The following MCUB variants were observed in gnomAD, a reference collection of about 807,000 sequenced individuals.
MCUB encodes calcium uniporter regulatory subunit MCUb, mitochondrial.
Under a neutral mutation model 41.4 loss-of-function variants are expected in MCUB, and 46 were observed. The ratio of observed to expected loss-of-function variants is 1.11; its 90% confidence interval spans 0.88 to 1.42. The LOEUF is 1.42. MCUB is among the 40% of genes most tolerant of loss of function. MCUB has a pLI of 0.00. For missense variants in MCUB, 403 were observed against 404.9 expected (o/e 1.00, Z 0.04); for synonymous variants, 148 against 148.2 (o/e 1.00, Z 0.01).
intron 1 of MCUB, among the ~76,000 whole-genome samples, chr4:109,643,374 G>T (rs34925690): frequency 0.27 from 41,307 of 150,726 alleles, 6,321 homozygotes; most frequent in East Asian, 0.47. Flanking sequence ...TAGCAAGGAC[G>T]GGGTTTCAGT....
intron 1 of MCUB, among the ~76,000 whole-genome samples, chr4:109,578,348 A>G (rs1483822643): frequency 6.6e-6 from 1 of 152,222 alleles, no homozygotes; most frequent in African/African-American, 2.4e-5. Flanking sequence ...CTGTATGTAC[A>G]ATCTCATATA....
intron 1 of MCUB, among the ~76,000 whole-genome samples, chr4:109,597,184 T>C (rs1340116160): frequency 6.6e-6 from 1 of 151,842 alleles, no homozygotes; most frequent in Non-Finnish European, 1.5e-5. Context: ...TCCCCACCTT[T>C]CCCCCCTTTC....
At chr4:109,583,683 G>A (rs113079683) in intron 1 of MCUB, among the ~76,000 whole-genome samples, 1 of 152,118 alleles carries the variant, frequency 6.6e-6, no homozygotes, top group African/African-American at 2.4e-5. Context: ...CATTCAGTAT[G>A]ATATTGACTA....
intron 4 of MCUB, among the ~76,000 whole-genome samples, chr4:109,676,650 G>A (rs1234792434): frequency 6.6e-6 from 1 of 152,126 alleles, no homozygotes. Context: ...TCTGCTCCTA[G>A]TACCAATTTT....
chr4:109,679,474 C>T (rs1049226457), intron 4 of MCUB, among the ~76,000 whole-genome samples: 23 of 152,272 alleles, frequency 1.5e-4, no homozygotes, highest in African/African-American at 5.5e-4. Flanking sequence ...GGCGAAACCC[C>T]GTCTCCACCA....
chr4:109,625,479 G>T (rs1408649320), intron 1 of MCUB, among the ~76,000 whole-genome samples: 4 of 152,120 alleles, frequency 2.6e-5, no homozygotes, highest in Non-Finnish European at 5.9e-5. Context: ...TTATAAAATG[G>T]GCTTTGTGTT....
Position 109,684,992 on chromosome 4 carries a change from T to G in MCUB, c.817-259T>G, listed in dbSNP as rs909466786. 4.1e-5 allele frequency: 16 copies of G among 393,890 alleles called. No individual in the cohort carries two copies. In the East Asian group the frequency reaches 6.6e-4, roughly 16 times the overall value. The allele number at this position is 393,890 out of a possible 1,614,324, so 24.4% of individuals were successfully genotyped here. A position where few individuals can be genotyped will look rare whatever the true frequency, so the allele number is the denominator to read the frequency against. ...TTATTTAATATGCCAAAAATCTCCC[T>G]TTTCTTATTTCTTCCTTCTTCTTTC... On this transcript the variant is annotated intron_variant, in intron 6 of 7. Coordinates refer to ENST00000394650, the MANE Select transcript of MCUB (RefSeq NM_017918.5).
At chr4:109,648,505 C>A (rs959359709) in intron 1 of MCUB, 4 of 339,782 alleles carry the variant, frequency 1.2e-5, no homozygotes, top group Admixed American at 8.9e-5. Context: ...ATTAACTACT[C>A]GTCTTGGGCT....
chr4:109,600,285 C>T (rs1006420772), intron 1 of MCUB, among the ~76,000 whole-genome samples: 5 of 152,162 alleles, frequency 3.3e-5, no homozygotes, highest in African/African-American at 4.8e-5. Flanking sequence ...ACCTGTACTT[C>T]GTTTCTTTTT....
intron 3 of MCUB, among the ~76,000 whole-genome samples, chr4:109,662,790 A>G (rs560945671): frequency 3.5e-4 from 53 of 152,198 alleles, no homozygotes; most frequent in Non-Finnish European, 7.3e-4. Context: ...TGACACTTGG[A>G]AAGATAAAGC....
At chr4:109,637,392 T>A (rs1005013249) in intron 1 of MCUB, among the ~76,000 whole-genome samples, 19 of 152,228 alleles carry the variant, frequency 1.2e-4, no homozygotes, top group Non-Finnish European at 2.2e-4. Flanking sequence ...AATGACTTTA[T>A]ACAAGTATCT....
chr4:109,640,210 G>T (rs1039104877), intron 1 of MCUB, among the ~76,000 whole-genome samples: 1 of 152,228 alleles, frequency 6.6e-6, no homozygotes, highest in Non-Finnish European at 1.5e-5. Context: ...GGGCGGGAGG[G>T]TGTATTGTCA....
At chr4:109,565,396 C>T (rs1214273920) in intron 1 of MCUB, among the ~76,000 whole-genome samples, 1 of 152,172 alleles carries the variant, frequency 6.6e-6, no homozygotes, top group African/African-American at 2.4e-5. Flanking sequence ...GCAATTTCTT[C>T]CATGGGTCCT....
chr4:109,644,026 T>TA (rs903171525), intron 1 of MCUB, among the ~76,000 whole-genome samples: 3 of 151,492 alleles, frequency 2.0e-5, no homozygotes, highest in Admixed American at 6.6e-5. Context: ...GCTGCCCGAT[T>TA]AAAAAAAAAT....
chr4:109,568,799 C>G (rs899591128), intron 1 of MCUB, among the ~76,000 whole-genome samples: 37 of 152,126 alleles, frequency 2.4e-4, no homozygotes, highest in Middle Eastern at 3.2e-3. Flanking sequence ...TCTGTGATCC[C>G]CTCTGCCCTG....
intron 1 of MCUB, among the ~76,000 whole-genome samples, chr4:109,609,240 G>A (rs923224862): frequency 2.6e-5 from 4 of 152,182 alleles, no homozygotes; most frequent in Non-Finnish European, 5.9e-5. Flanking sequence ...AGAAAGTAAA[G>A]GAATAAAGAG....
chr4:109,687,773 A>T lies in MCUB; in HGVS notation c.*181A>T. The T allele has an allele frequency of 1.7e-6, 1 of 583,702 alleles. No homozygotes were observed. Among genetic ancestry groups the T allele is most frequent in the East Asian group, 2.9e-5 (1 of 34,528 alleles). The allele number at this position is 583,702 out of a possible 1,614,324, so 36.2% of individuals were successfully genotyped here. A position where few individuals can be genotyped will look rare whatever the true frequency, so the allele number is the denominator to read the frequency against. On this transcript the variant is annotated 3_prime_UTR_variant, in exon 8 of 8. Transcript: ENST00000394650. ...ACTTTTTGGATTTTTATGACTTGCT[A>T]ATGTTAGAAAGGGCTTGTATGCGTC... is the stretch of plus-strand genomic sequence containing the variant.
chr4:109,684,208 G>A (rs1369696130), intron 5 of MCUB, among the ~76,000 whole-genome samples: 4 of 151,762 alleles, frequency 2.6e-5, no homozygotes, highest in Admixed American at 1.3e-4. Flanking sequence ...GACTACAGGC[G>A]CCTGCCACCA....
chr4:109,608,926 A>C (rs994127355), intron 1 of MCUB, among the ~76,000 whole-genome samples: 3 of 152,112 alleles, frequency 2.0e-5, no homozygotes, highest in Non-Finnish European at 4.4e-5. Flanking sequence ...ATTAGGGAGC[A>C]CCCTAAGCCT....
Sources: allele counts gnomAD v4.1 joint callset (sites outside exome capture counted in the v4.1 genomes callset), GRCh38; gene constraint gnomAD v4.1.1; transcripts MANE v1.5; gene names NCBI Gene and HGNC (gene_info 2026-07-23, HGNC 2026-07-21).